The following LAMA2 variants were observed in gnomAD, a reference collection of about 807,000 sequenced individuals.
The protein encoded by LAMA2 is laminin subunit alpha 2.
In LAMA2, 269 loss-of-function variants were observed where a neutral mutation model predicts 364.8. The observed-to-expected ratio is 0.74, with a 90% CI of 0.67 to 0.82. LAMA2 has a LOEUF of 0.82. LAMA2 is among the 40% of genes least tolerant of loss of function. The pLI, the probability that LAMA2 is intolerant of heterozygous loss-of-function variation, is 0.00. For missense variants in LAMA2, 3,807 were observed against 3,873.2 expected (o/e 0.98, Z 0.45); for synonymous variants, 1,379 against 1,370.6 (o/e 1.01, Z -0.14).
At chr6:129,260,958 GAAT>G (rs1428741763) in intron 15 of LAMA2, 136 bp downstream of exon 15, 2 of 666,184 alleles carry the variant, frequency 3.0e-6, no homozygotes, top group African/African-American at 3.6e-5. Context: ...AACAAAACTT[GAAT>G]ATCTACCAAA....
chr6:129,100,028 A>G (rs992543599), intron 4 of LAMA2, among the ~76,000 whole-genome samples: 9 of 152,334 alleles, frequency 5.9e-5, no homozygotes, highest in South Asian at 2.1e-4. Context: ...TTCTCAAACA[A>G]TTTAAGACTA....
At chr6:129,156,828 A>T (rs868032684) in intron 8 of LAMA2, among the ~76,000 whole-genome samples, 1 of 152,146 alleles carries the variant, frequency 6.6e-6, no homozygotes, top group African/African-American at 2.4e-5. Flanking sequence ...TGGGGAAGCT[A>T]TCTCACTTGC....
chr6:129,343,388 T>A (rs1327972050), intron 30 of LAMA2, among the ~76,000 whole-genome samples: 2 of 152,140 alleles, frequency 1.3e-5, no homozygotes, highest in Non-Finnish European at 2.9e-5. Context: ...CTGTAAATCA[T>A]CTCCTTTTCC....
intron 41 of LAMA2, among the ~76,000 whole-genome samples, chr6:129,428,729 G>A (rs937138598): frequency 3.9e-5 from 6 of 152,148 alleles, no homozygotes; most frequent in Non-Finnish European, 8.8e-5. Context: ...ACAGATGTGA[G>A]CCACCGTGCC....
At chr6:129,113,298 C>T (rs1229395666) in intron 4 of LAMA2, among the ~76,000 whole-genome samples, 11 of 152,024 alleles carry the variant, frequency 7.2e-5, no homozygotes, top group African/African-American at 2.2e-4. Flanking sequence ...CCAAAACAAT[C>T]GGGGGTAATG....
At chr6:129,309,951 G>C (rs1774109988) in intron 22 of LAMA2, among the ~76,000 whole-genome samples, 2 of 143,754 alleles carry the variant, frequency 1.4e-5, no homozygotes, top group African/African-American at 5.3e-5. Context: ...CCAGGCTGGA[G>C]TGCAGTGGCG....
intron 1 of LAMA2, among the ~76,000 whole-genome samples, chr6:129,048,475 TC>T (rs1340604037): frequency 4.8e-5 from 3 of 63,110 alleles, no homozygotes; most frequent in African/African-American, 1.7e-4. Context: ...TTTCTTTCTT[TC>T]TTTCTTTCTT....
At chr6:128,932,362 A>G (rs1033018873) in intron 1 of LAMA2, among the ~76,000 whole-genome samples, 17 of 152,236 alleles carry the variant, frequency 1.1e-4, no homozygotes, top group Admixed American at 1.0e-3. Context: ...CAATCACTCA[A>G]CAAGTGTTTA....
At chr6:129,091,954 A>G (rs1424737439) in intron 3 of LAMA2, among the ~76,000 whole-genome samples, 1 of 152,182 alleles carries the variant, frequency 6.6e-6, no homozygotes, top group African/African-American at 2.4e-5. Flanking sequence ...TTGCCTACAC[A>G]TTTTTGTTAC....
intron 40 of LAMA2, among the ~76,000 whole-genome samples, chr6:129,409,796 G>C (rs1218540257): frequency 1.3e-5 from 2 of 152,214 alleles, no homozygotes. Flanking sequence ...CGGCAGAGCA[G>C]TTTGCACAGC....
At chr6:129,119,855 T>A (rs1317905745) in intron 4 of LAMA2, among the ~76,000 whole-genome samples, 2 of 152,192 alleles carry the variant, frequency 1.3e-5, no homozygotes, top group African/African-American at 2.4e-5. Context: ...GCCCACATTT[T>A]ATTTTTGATA....
intron 19 of LAMA2, among the ~76,000 whole-genome samples, chr6:129,290,922 A>G (rs932531999): frequency 6.6e-6 from 1 of 152,198 alleles, no homozygotes; most frequent in African/African-American, 2.4e-5. Context: ...TAGTCTTAAG[A>G]TACTTGAAAT....
At chr6:129,441,384 A>G (rs1782108436) in intron 43 of LAMA2, among the ~76,000 whole-genome samples, 1 of 152,214 alleles carries the variant, frequency 6.6e-6, no homozygotes, top group South Asian at 2.1e-4. Flanking sequence ...GGGCACGTTC[A>G]TGAACAGACT....
intron 32 of LAMA2, among the ~76,000 whole-genome samples, chr6:129,356,956 C>CT (rs1562489698): frequency 6.6e-6 from 1 of 151,950 alleles, no homozygotes; most frequent in Non-Finnish European, 1.5e-5. Flanking sequence ...TTCACAGCCT[C>CT]TTTTTTTCTA....
chr6:129,045,417 C>G (rs1013128237), intron 1 of LAMA2, among the ~76,000 whole-genome samples: 2 of 152,162 alleles, frequency 1.3e-5, no homozygotes, highest in Non-Finnish European at 2.9e-5. Context: ...TAGGCCCTGA[C>G]AAGAAGTCTT....
At position 129,154,543 on chromosome 6, in the gene LAMA2, G is replaced by A; in HGVS notation, c.1066G>A (p.Asp356Asn). Residue 356 changes from aspartate (D) to asparagine (N), a missense_variant, in exon 8 of 65, where the codon GAT becomes AAT. Transcript: ENST00000421865. ...TGGAAAAGCTGAAGAATGCTATTAT[G>A]ATGAAAATGTTGCCAGAAGAAATCT... ...CHGKAEECYYDENVARRNLSL... is the reference protein window; with the variant it reads ...CHGKAEECYYNENVARRNLSL... 1 of 1,613,988 alleles carries A rather than the reference G, an allele frequency of 6.2e-7. No homozygotes were observed. The highest frequency in any genetic ancestry group is 2.2e-5 in the East Asian group (1 of 44,858).
intron 32 of LAMA2, 95 bp downstream of exon 32, chr6:129,353,452 T>C: frequency 1.1e-6 from 1 of 950,892 alleles, no homozygotes; most frequent in Admixed American, 2.2e-5. Context: ...GCCCGCCTTT[T>C]TTTTTTTTTT....
At chr6:128,912,655 A>G (rs542940994) in intron 1 of LAMA2, among the ~76,000 whole-genome samples, 1 of 152,262 alleles carries the variant, frequency 6.6e-6, no homozygotes, top group African/African-American at 2.4e-5. Flanking sequence ...AACTCCAAAT[A>G]CAAAGATGAG....
intron 60 of LAMA2, among the ~76,000 whole-genome samples, chr6:129,504,707 C>A (rs762171106): frequency 9.9e-5 from 15 of 152,194 alleles, no homozygotes; most frequent in Non-Finnish European, 1.6e-4. Context: ...GAAAGTAGTG[C>A]AGCTTATTTG....
Sources: allele counts gnomAD v4.1 joint callset (sites outside exome capture counted in the v4.1 genomes callset), GRCh38; gene constraint gnomAD v4.1.1; transcripts MANE v1.5; gene names NCBI Gene and HGNC (gene_info 2026-07-23, HGNC 2026-07-21).